The following AKAP19 variants were observed in gnomAD, a reference collection of about 807,000 sequenced individuals.
The protein encoded by AKAP19 is small A-kinase anchoring protein.
the AKAP19 span, among the ~76,000 whole-genome samples, chr2:190,145,788 T>C: frequency 2.0e-5 from 3 of 151,434 alleles, no homozygotes; most frequent in Non-Finnish European, 4.4e-5. Context: ...AAGCAACTCA[T>C]GATTCTCTCT....
chr2:190,111,104 G>GC, the AKAP19 span, among the ~76,000 whole-genome samples: 48 of 152,200 alleles, frequency 3.2e-4, no homozygotes, highest in South Asian at 1.0e-3. Context: ...AGAGCACAGA[G>GC]CCCCCCCAGA....
At chr2:189,903,441 T>C in the AKAP19 span, among the ~76,000 whole-genome samples, 1 of 152,002 alleles carries the variant, frequency 6.6e-6, no homozygotes, top group Non-Finnish European at 1.5e-5. Flanking sequence ...GAGGATTAAA[T>C]TTTTTTCATT....
chr2:190,177,309 C>T, the AKAP19 span, among the ~76,000 whole-genome samples: 91 of 152,236 alleles, frequency 6.0e-4, no homozygotes, highest in South Asian at 8.3e-4. This position sits in a 1 kb window ranked among gnomAD's most constrained non-coding sequence, Gnocchi z 4.6. Flanking sequence ...CTGTGATTTG[C>T]GTTACCTCTC....
the AKAP19 span, among the ~76,000 whole-genome samples, chr2:189,896,201 T>A: frequency 6.6e-6 from 1 of 152,160 alleles, no homozygotes; most frequent in African/African-American, 2.4e-5. Flanking sequence ...TTAAAGCATA[T>A]ATATTTTTTC....
chr2:189,897,716 G>A, the AKAP19 span, among the ~76,000 whole-genome samples: 3 of 152,256 alleles, frequency 2.0e-5, no homozygotes, highest in East Asian at 5.8e-4. Context: ...GGTTGGTTAA[G>A]TTTTATATAT....
the AKAP19 span, chr2:189,930,406 G>A: frequency 6.7e-6 from 2 of 298,730 alleles, no homozygotes; most frequent in South Asian, 4.3e-5. Flanking sequence ...GGCTGGGCGC[G>A]GTGGCTTCAC....
the AKAP19 span, among the ~76,000 whole-genome samples, chr2:190,136,380 T>C: frequency 6.6e-6 from 1 of 152,172 alleles, no homozygotes; most frequent in African/African-American, 2.4e-5. Flanking sequence ...GCAGTCTTGA[T>C]AAGCTGGAGC....
the AKAP19 span, among the ~76,000 whole-genome samples, chr2:190,153,226 A>G: frequency 2.6e-5 from 4 of 152,222 alleles, no homozygotes; most frequent in Non-Finnish European, 5.9e-5. Flanking sequence ...CATTGTTTAC[A>G]TATATGAAGA....
chr2:189,985,210 G>T, the AKAP19 span, among the ~76,000 whole-genome samples: 14 of 152,256 alleles, frequency 9.2e-5, no homozygotes, highest in African/African-American at 3.1e-4. Flanking sequence ...CTTACTGTGG[G>T]CACTCCAACA....
the AKAP19 span, among the ~76,000 whole-genome samples, chr2:189,988,662 G>T: frequency 6.6e-6 from 1 of 152,234 alleles, no homozygotes; most frequent in Non-Finnish European, 1.5e-5. Flanking sequence ...TCTATGTGTG[G>T]GACAAAGGTC....
At chr2:189,888,618 G>T in the AKAP19 span, among the ~76,000 whole-genome samples, 1 of 152,046 alleles carries the variant, frequency 6.6e-6, no homozygotes, top group Non-Finnish European at 1.5e-5. Context: ...TTATTTCCTT[G>T]AGCAGTGGTT....
the AKAP19 span, among the ~76,000 whole-genome samples, chr2:189,964,623 C>G: frequency 6.6e-6 from 1 of 152,160 alleles, no homozygotes. Context: ...TAACTTGTAG[C>G]TTCTACATCA....
chr2:189,934,484 A>C, the AKAP19 span, among the ~76,000 whole-genome samples: 6 of 152,060 alleles, frequency 3.9e-5, no homozygotes, highest in African/African-American at 1.4e-4. Context: ...TATATTTTAG[A>C]GGGAAACATT....
chr2:190,180,446 G>C, the AKAP19 span: 1 of 984,380 alleles, frequency 1.0e-6, no homozygotes, highest in Non-Finnish European at 1.2e-6. The surrounding 1 kb of genome is among the most constrained non-coding windows in gnomAD (Gnocchi z 6.8). Context: ...GCCGAGACCA[G>C]GGGCAGGGCC....
the AKAP19 span, among the ~76,000 whole-genome samples, chr2:190,195,628 C>G: frequency 6.6e-6 from 1 of 152,300 alleles, no homozygotes; most frequent in Non-Finnish European, 1.5e-5. Context: ...GTATTGTTGA[C>G]TTTTAAAAGT....
chr2:190,130,131 A>C, the AKAP19 span, among the ~76,000 whole-genome samples: 2 of 152,170 alleles, frequency 1.3e-5, no homozygotes, highest in Non-Finnish European at 2.9e-5. Flanking sequence ...GATCACACAG[A>C]GAGATTTTAT....
the AKAP19 span, among the ~76,000 whole-genome samples, chr2:189,927,428 C>T: frequency 2.0e-5 from 3 of 152,092 alleles, no homozygotes; most frequent in Non-Finnish European, 4.4e-5. Flanking sequence ...AAATAGTGTA[C>T]AAATAAGTTT....
the AKAP19 span, chr2:190,060,144 T>C: frequency 4.3e-6 from 7 of 1,612,974 alleles, no homozygotes; most frequent in Admixed American, 3.3e-5. Context: ...AATGCCTAAG[T>C]TGGATTCAGG....
the AKAP19 span, among the ~76,000 whole-genome samples, chr2:189,953,650 A>AAAAAAAAAAC: frequency 6.9e-6 from 1 of 144,026 alleles, no homozygotes; most frequent in Non-Finnish European, 1.5e-5. Flanking sequence ...AAAAAAAAAA[A>AAAAAAAAAAC]AAAAAAAAAC....
Sources: gnomAD v4.1 joint callset for allele counts (sites outside exome capture counted in the v4.1 genomes callset) on GRCh38, gnomAD v4.1.1 for gene constraint, Gnocchi (gnomAD v3.1) non-coding constraint, MANE v1.5 for transcripts, NCBI Gene and HGNC (gene_info 2026-07-23, HGNC 2026-07-21) for gene names.